TLE1: variants seen among roughly 807,000 people sequenced by gnomAD.
TLE1 encodes transducin-like enhancer protein 1.
TLE1 carries 21 observed loss-of-function variants against 89.8 expected under a neutral mutation model. The observed-to-expected ratio is 0.23, with a 90% CI of 0.17 to 0.34. TLE1 has a LOEUF of 0.34. Among genes scored for constraint, TLE1 ranks in the 10% least tolerant of loss-of-function variants. The pLI is 1.00. For synonymous variants in TLE1, 447 were observed against 407.6 expected, an observed-to-expected ratio of 1.10 and a Z score of -1.16; for missense variants, 795 against 1,031.2, an observed-to-expected ratio of 0.77 and a Z score of 3.14.
At chr9:81,587,123 A>G (rs1050324013) in intron 17 of TLE1, among the ~76,000 whole-genome samples, 9 of 152,332 alleles carry the variant, frequency 5.9e-5, no homozygotes, top group African/African-American at 2.2e-4. Context: ...CATTATTTCA[A>G]AAGTCTGCAA....
chr9:81,641,724 A>T (rs1046378361), intron 6 of TLE1, among the ~76,000 whole-genome samples: 13 of 152,338 alleles, frequency 8.5e-5, no homozygotes, highest in East Asian at 1.9e-4. Flanking sequence ...TCAGAGCCAC[A>T]ATGAAATATC....
intron 3 of TLE1, 27 bp downstream of exon 3, chr9:81,685,799 TGAAAAAG>T: frequency 6.2e-7 from 1 of 1,613,512 alleles, no homozygotes; most frequent in Non-Finnish European, 8.5e-7. Flanking sequence ...TAATATCATA[TGAAAAAG>T]GAAAAAGTCC....
intron 6 of TLE1, among the ~76,000 whole-genome samples, chr9:81,642,709 A>AGAAACAAAG (rs1828294497): frequency 6.7e-6 from 1 of 150,366 alleles, no homozygotes; most frequent in Non-Finnish European, 1.5e-5. Context: ...ATGAAAGAAA[A>AGAAACAAAG]GAAAGAAAGG....
rs144879360 is a variant in TLE1, at chr9:81,637,281, T to C, written c.373-2980A>G. On this transcript the variant is annotated intron_variant, in intron 6 of 19. Coordinates refer to ENST00000376499, the MANE Select transcript of TLE1 (RefSeq NM_005077.5). ...GCTGAGGTGGGAGAATCGCTTGAAC[T>C]TGGAAAGCAGAGGCTGTAGTGAGCT... Among the ~76,000 whole-genome samples, 387 of 151,918 alleles carry C rather than the reference T, an allele frequency of 2.5e-3. 3 individuals are homozygous for C. Among genetic ancestry groups the C allele is most frequent in the African/African-American group, 8.9e-3 (370 of 41,456 alleles).
chr9:81,635,167 C>T (rs1208176304), intron 6 of TLE1, among the ~76,000 whole-genome samples: 2 of 152,184 alleles, frequency 1.3e-5, no homozygotes, highest in East Asian at 1.9e-4. Context: ...GGGAGCCAGG[C>T]TTGTGGCCGC....
chr9:81,627,992 G>A (rs929683773), intron 8 of TLE1, among the ~76,000 whole-genome samples: 3 of 152,134 alleles, frequency 2.0e-5, no homozygotes, highest in African/African-American at 7.2e-5. Context: ...ACCAAGGTGG[G>A]AGAATCACTT....
At chr9:81,676,892 T>C (rs1832964618) in intron 4 of TLE1, among the ~76,000 whole-genome samples, 1 of 152,256 alleles carries the variant, frequency 6.6e-6, no homozygotes, top group Non-Finnish European at 1.5e-5. Context: ...TTTAAAATGT[T>C]CATTTATTTT....
chr9:81,617,036 G>T (rs534038301), intron 9 of TLE1, among the ~76,000 whole-genome samples: 4 of 150,464 alleles, frequency 2.7e-5, no homozygotes, highest in African/African-American at 9.8e-5. Flanking sequence ...TTTCTCGAGG[G>T]ATGAAATCTT....
chr9:81,678,932 G>C (rs900767190), intron 4 of TLE1, among the ~76,000 whole-genome samples: 6 of 152,106 alleles, frequency 3.9e-5, no homozygotes, highest in African/African-American at 1.4e-4. Flanking sequence ...CCTGAGGCTA[G>C]GAGTTTGAGA....
At position 81,685,621 on chromosome 9, in the gene TLE1, A is replaced by T. The variant is rs1834167066; in HGVS notation, c.234+55T>A. 1.9e-6 allele frequency: 3 copies of T among 1,578,326 alleles called. No homozygotes were observed. In the South Asian group the frequency reaches 3.4e-5, roughly 18 times the overall value. ...CACTACTGAGAACAAAGCCAGTATTATTAAATCATATGAACTGATGTCTCA... is the reference window on the plus strand; with the variant it reads ...CACTACTGAGAACAAAGCCAGTATTTTTAAATCATATGAACTGATGTCTCA... On this transcript the variant is annotated intron_variant, in intron 4 of 19. Coordinates refer to ENST00000376499, the MANE Select transcript of TLE1 (RefSeq NM_005077.5).
At chr9:81,681,908 A>G (rs546846672) in intron 4 of TLE1, among the ~76,000 whole-genome samples, 266 of 152,222 alleles carry the variant, frequency 1.7e-3, no homozygotes, top group African/African-American at 6.3e-3. Context: ...CTAGGGAGAC[A>G]TGGTCCACCT....
intron 8 of TLE1, among the ~76,000 whole-genome samples, chr9:81,628,003 G>A (rs1046795703): frequency 6.6e-6 from 1 of 152,164 alleles, no homozygotes; most frequent in Non-Finnish European, 1.5e-5. Flanking sequence ...AGAATCACTT[G>A]AAGCCAGGAA....
chr9:81,637,460 T>C (rs1354773244), intron 6 of TLE1, among the ~76,000 whole-genome samples: 1 of 152,178 alleles, frequency 6.6e-6, no homozygotes, highest in Non-Finnish European at 1.5e-5. Flanking sequence ...AGTAAACTTT[T>C]GTGGTTAAAC....
chr9:81,666,058 G>C (rs1831423280), intron 4 of TLE1, among the ~76,000 whole-genome samples: 1 of 152,130 alleles, frequency 6.6e-6, no homozygotes, highest in Admixed American at 6.5e-5. Context: ...AAGCATCACA[G>C]CTGTTTTAGT....
At chr9:81,658,115 T>C (rs1009861837) in intron 4 of TLE1, among the ~76,000 whole-genome samples, 1 of 151,814 alleles carries the variant, frequency 6.6e-6, no homozygotes, top group Non-Finnish European at 1.5e-5. Flanking sequence ...TTTCACCATG[T>C]AGAACAGGCT....
intron 4 of TLE1, among the ~76,000 whole-genome samples, chr9:81,654,592 C>G (rs910865641): frequency 5.9e-5 from 9 of 151,852 alleles, no homozygotes; most frequent in Non-Finnish European, 4.4e-5. Context: ...CCGCCCGCCT[C>G]GGCCTCCCAA....
intron 15 of TLE1, among the ~76,000 whole-genome samples, chr9:81,591,728 CT>C (rs1211192895): frequency 6.6e-6 from 1 of 152,096 alleles, no homozygotes; most frequent in Non-Finnish European, 1.5e-5. Context: ...AAGCACATGA[CT>C]TCAACAAAGG....
chr9:81,587,856 G>A lies in TLE1; in HGVS notation c.1830-28C>T, dbSNP rs184901003. ...GATAAAACAAACCAGATTGAATAAT[G>A]ATTTCCTGCCAGAGCTCAAGGTAAA... On this transcript the variant is annotated intron_variant, in intron 16 of 19. Coordinates refer to ENST00000376499, the MANE Select transcript of TLE1 (RefSeq NM_005077.5). 7.6e-5 allele frequency: 120 copies of A among 1,573,898 alleles called. No homozygotes were observed. The East Asian group carries it at 2.7e-3, about 35-fold the overall frequency.
intron 6 of TLE1, among the ~76,000 whole-genome samples, chr9:81,648,677 A>G (rs1398853511): frequency 6.6e-6 from 1 of 152,246 alleles, no homozygotes; most frequent in African/African-American, 2.4e-5. Flanking sequence ...CCCAAATAAT[A>G]AAGTGGAGAA....
Sources: allele counts gnomAD v4.1 joint callset (sites outside exome capture counted in the v4.1 genomes callset), GRCh38; gene constraint gnomAD v4.1.1; transcripts MANE v1.5; gene names NCBI Gene and HGNC (gene_info 2026-07-23, HGNC 2026-07-21).